The following SLC34A1 variants were observed in gnomAD, a reference collection of about 807,000 sequenced individuals.
The protein encoded by SLC34A1 is solute carrier family 34 member 1, also known as sodium-dependent phosphate transport protein 2A.
A neutral mutation model predicts 51.4 loss-of-function variants in SLC34A1; 57 were observed. The observed-to-expected ratio is 1.11, with a 90% CI of 0.90 to 1.38. The LOEUF (loss-of-function observed/expected upper bound fraction) is 1.38, where lower values mean the gene tolerates loss of function less well. Ranked by LOEUF, SLC34A1 falls within the 40% of genes most tolerant of loss-of-function variation. SLC34A1 has a pLI of 0.00. For missense variants in SLC34A1, 796 were observed against 835.6 expected, an observed-to-expected ratio of 0.95 and a Z score of 0.58; for synonymous variants, 368 against 358.0, an observed-to-expected ratio of 1.03 and a Z score of -0.32.
chr5:177,388,040 G>C lies in SLC34A1; in HGVS notation c.691G>C (p.Val231Leu). The C allele has an allele frequency of 6.2e-7, 1 of 1,614,068 alleles. No individual in the cohort carries two copies. Among genetic ancestry groups the C allele is most frequent in the East Asian group, 2.2e-5 (1 of 44,888 alleles). The change falls in exon 7 of 13, where the codon GTG becomes CTG. Residue 231 changes from valine to leucine, a missense_variant. By Grantham distance (32) the Val-to-Leu change is conservative. Transcript: ENST00000324417. This position sits in a 1 kb window ranked among gnomAD's most constrained non-coding sequence, Gnocchi z 4.3. Reference sequence around the variant, plus strand: ...GCATGACTGCTTTAACTGGCTGTCAGTGCTGGTCCTGCTGCCCCTGGAGGC... The same window carrying C: ...GCATGACTGCTTTAACTGGCTGTCACTGCTGGTCCTGCTGCCCCTGGAGGC... ...TVHDCFNWLS[V>L]LVLLPLEAAT...
rs944431994 is a variant in SLC34A1, at chr5:177,388,327, G to A, written c.891G>A (p.Arg297=). ...TTGCCACTGGTGATGAGTCCCTGAG[G>A]AACCACAGTCTCATCCAGATCTGGT... ...TSIATGDESL[R]NHSLIQIWCH... is the part of the protein sequence containing the mutation. Residue 297 remains arginine (R), a synonymous_variant, in exon 8 of 13, where the codon AGG becomes AGA. Coordinates refer to ENST00000324417, the MANE Select transcript of SLC34A1 (RefSeq NM_003052.5). This position sits in a 1 kb window ranked among gnomAD's most constrained non-coding sequence, Gnocchi z 4.3. 3.1e-6 allele frequency: 5 copies of A among 1,614,030 alleles called. No individual in the cohort carries two copies. The highest frequency in any genetic ancestry group is 2.5e-6 in the Non-Finnish European group (3 of 1,180,036).
rs751779892 is a variant in SLC34A1, at chr5:177,394,198, G to A, written c.1174+3G>A. The A allele has an allele frequency of 5.0e-6, 8 of 1,613,774 alleles. No individual in the cohort carries two copies. In the South Asian group the frequency reaches 8.8e-5, roughly 18 times the overall value. ...CATCCAGAAGGTCATCAATACGGGT[G>A]AGCTGCGAGCAGTTGACTGGGCAGG... On this transcript the variant is annotated splice_donor_region_variant and intron_variant, in intron 10 of 12. Coordinates refer to ENST00000324417, the MANE Select transcript of SLC34A1 (RefSeq NM_003052.5).
chr5:177,390,115 G>T (rs1157233514), intron 8 of SLC34A1: 22 of 1,084,478 alleles, frequency 2.0e-5, no homozygotes, highest in Non-Finnish European at 2.2e-5. Flanking sequence ...GTCTCCCCGT[G>T]CTCCCTTCCA....
At chr5:177,394,246 A>C (rs905281980) in intron 10 of SLC34A1, 51 bp downstream of exon 10, 26 of 1,582,966 alleles carry the variant, frequency 1.6e-5, no homozygotes, top group Non-Finnish European at 2.3e-5. Context: ...GCCTTTCCAG[A>C]TCCTGCTAAG....
chr5:177,393,738 CCT>C lies in SLC34A1; in HGVS notation c.982_983del (p.Leu328TrpfsTer110), dbSNP rs1762877004. 1.2e-6 allele frequency: 2 copies of C among 1,614,088 alleles called. No homozygotes were observed. Among genetic ancestry groups the C allele is most frequent in the Non-Finnish European group, 1.7e-6 (2 of 1,180,046 alleles). ...GAGCAGAGGCCAACTCCAGCCAGAC[CCT>C]TGGAAATGCCACCATGGAGAAATGT... ...SRAEANSSQTLGNATMEKCNH... is the reference protein window; with the variant it reads ...SRAEANSSQTXGNATMEKCNH... On this transcript the variant is annotated frameshift_variant, in exon 9 of 13. Transcript: ENST00000324417. LOFTEE classifies it high-confidence loss of function.
intron 10 of SLC34A1, among the ~76,000 whole-genome samples, chr5:177,395,262 CAT>C (rs2127354056): frequency 6.6e-6 from 1 of 152,276 alleles, no homozygotes; most frequent in South Asian, 2.1e-4. Flanking sequence ...CTGCCAAGGA[CAT>C]AGCAAAAATG....
chr5:177,395,952 A>AT (rs1554096298), intron 10 of SLC34A1, among the ~76,000 whole-genome samples: 1 of 151,590 alleles, frequency 6.6e-6, no homozygotes, highest in Non-Finnish European at 1.5e-5. Context: ...TTAACCATAA[A>AT]TTTTTTTTAT....
chr5:177,387,970 T>C, intron 6 of SLC34A1, 24 bp from the exon 7 acceptor site: 1 of 1,611,816 alleles, frequency 6.2e-7, no homozygotes, highest in Non-Finnish European at 8.5e-7. Context: ...CGAGCCTGCC[T>C]TGCAATGTGG....
intron 8 of SLC34A1, chr5:177,389,867 C>T: frequency 6.9e-7 from 1 of 1,457,060 alleles, no homozygotes; most frequent in Non-Finnish European, 9.0e-7. Context: ...TGACACTTGT[C>T]CAGCTGGTTT....
intron 6 of SLC34A1, 22 bp downstream of exon 6, chr5:177,387,895 G>A (rs1301281675): frequency 5.6e-6 from 9 of 1,605,956 alleles, no homozygotes; most frequent in Non-Finnish European, 6.8e-6. Flanking sequence ...TGGGGGTTGG[G>A]GGCTCGTGCC....
chr5:177,398,135 A>G lies in SLC34A1; in HGVS notation c.1769A>G (p.Asp590Gly). ...TGGATGCACTCCCTGAAGCCCCTGGACCACCTCATCACCCGCGCCACCCTA... is the reference window on the plus strand; with the variant it reads ...TGGATGCACTCCCTGAAGCCCCTGGGCCACCTCATCACCCGCGCCACCCTA... Reference protein sequence around the residue: ...PRWMHSLKPLDHLITRATLCC... With the variant: ...PRWMHSLKPLGHLITRATLCC... Residue 590 changes from aspartate to glycine, a missense_variant, in exon 13 of 13, where the codon GAC becomes GGC. Asp to Gly is a moderately conservative substitution (Grantham distance 94, BLOSUM62 -1). Coordinates refer to ENST00000324417, the MANE Select transcript of SLC34A1 (RefSeq NM_003052.5). This position sits in a 1 kb window ranked among gnomAD's most constrained non-coding sequence, Gnocchi z 4.7. 1 of 1,611,346 alleles carries G rather than the reference A, an allele frequency of 6.2e-7. No homozygotes were observed. The highest frequency in any genetic ancestry group is 1.1e-5 in the South Asian group (1 of 90,942).
In SLC34A1 at chr5:177,387,809, G is replaced by C. The variant is rs370983881; in HGVS notation, c.580G>C (p.Gly194Arg). ...CCCCATCATCATGGGCTCCAACATC[G>C]GCACCTCTGTCACCAACACCATCGT... The part of the protein sequence containing the change: ...AIPIIMGSNI[G>R]TSVTNTIVAL... The change falls in exon 6 of 13, where the codon GGC (glycine) becomes CGC (arginine). Residue 194 changes from glycine to arginine, a missense_variant. Gly to Arg is a moderately radical substitution (Grantham distance 125). Transcript: ENST00000324417. The C allele has an allele frequency of 5.6e-6, 9 of 1,613,686 alleles. No homozygotes were observed. Among genetic ancestry groups the C allele is most frequent in the Non-Finnish European group, 7.6e-6 (9 of 1,179,952 alleles).
Position 177,396,615 on chromosome 5 carries a change from G to A in SLC34A1, c.1175-118G>A, listed in dbSNP as rs1762975170. On this transcript the variant is annotated intron_variant, in intron 10 of 12. Coordinates refer to ENST00000324417, the MANE Select transcript of SLC34A1 (RefSeq NM_003052.5). The surrounding 1 kb of genome is among the most constrained non-coding windows in gnomAD (Gnocchi z 4.0). ...AGGTCCTCTCTCCCAGTGCCCCCGC[G>A]GAGATCCGCTCTCCCAGTGCCCCCG... 6.8e-6 allele frequency: 5 copies of A among 730,428 alleles called. No homozygotes were observed. Among genetic ancestry groups the A allele is most frequent in the South Asian group, 2.9e-5 (2 of 67,886 alleles). 45.2% of individuals were successfully genotyped at this position (730,428 alleles called of 1,614,324 possible).
rs202081023 is a variant in SLC34A1, at chr5:177,397,079, G to A, written c.1416+5G>A. On this transcript the variant is annotated splice_donor_5th_base_variant and intron_variant, in intron 12 of 12. Coordinates refer to ENST00000324417, the MANE Select transcript of SLC34A1 (RefSeq NM_003052.5). ...AAGCTGTCCAGCGCTTTCCAGGTGC[G>A]CTGGGAGTGTAGCCTCGCCTGGGGC... 1,008 of 1,612,456 alleles carry A rather than the reference G, an allele frequency of 6.3e-4. 1 individual carries two copies. The highest frequency in any genetic ancestry group is 7.7e-4 in the Non-Finnish European group (910 of 1,179,772).
In SLC34A1 at chr5:177,386,505, C is replaced by T. The variant is rs775683749; in HGVS notation, c.471C>T (p.Thr157=). 7.7e-5 allele frequency: 124 copies of T among 1,614,046 alleles called. No homozygotes were observed. The highest frequency in any genetic ancestry group is 6.4e-4 in the South Asian group (58 of 91,084). ...GGCTGGTGGTGGGGATCCTGGTGAC[C>T]GTGCTGGTGCAGAGCTCCAGCACCT... ...VAGLVVGILV[T]VLVQSSSTST... is the part of the protein sequence containing the mutation. Residue 157 remains threonine, a synonymous_variant, in exon 5 of 13, where the codon ACC becomes ACT. Transcript: ENST00000324417. This position sits in a 1 kb window ranked among gnomAD's most constrained non-coding sequence, Gnocchi z 4.8.
rs369296471 is a variant in SLC34A1, at chr5:177,385,994, C to T, written c.117C>T (p.His39=). 1.9e-6 allele frequency: 3 copies of T among 1,610,758 alleles called. No homozygotes were observed. The highest frequency in any genetic ancestry group is 2.5e-6 in the Non-Finnish European group (3 of 1,178,938). ...ACCAGGCTCCCTCCCTAGTCCTACA[C>T]AGGATCCCGGGGACCTCTGCCTATG... ...FAYVPSPQVL[H]RIPGTSAYAF... Residue 39 remains histidine (H), a synonymous_variant, in exon 3 of 13, where the codon CAC becomes CAT. Transcript: ENST00000324417.
rs376867485 is a variant in SLC34A1 at position 177,393,782 on chromosome 5, G to A, written c.1006+19G>A. ...GAGAAATGTAAGTGCCTGCAACATG[G>A]GAGGTGTCCTGCATGGCAGGGGCAG... On this transcript the variant is annotated intron_variant, in intron 9 of 12. Transcript: ENST00000324417. 33 of 1,613,682 alleles carry A rather than the reference G, an allele frequency of 2.0e-5. No homozygotes were observed. The African/African-American group carries it at 2.7e-4, about 13-fold the overall frequency.
rs367828212 is a variant in SLC34A1, at chr5:177,385,800, G to A, written c.59G>A (p.Gly20Glu). 3 of 1,613,282 alleles carry A rather than the reference G, an allele frequency of 1.9e-6. No homozygotes were observed. Among genetic ancestry groups the A allele is most frequent in the African/African-American group, 2.7e-5 (2 of 74,928 alleles). Residue 20 changes from glycine (G) to glutamate (E), a missense_variant, in exon 2 of 13, where the codon GGG becomes GAG. Coordinates refer to ENST00000324417, the MANE Select transcript of SLC34A1 (RefSeq NM_003052.5). ...SPAVSPLPVR[G>E]GHVMRGTAFA... is the part of the protein sequence containing the mutation. Reference sequence around the variant, plus strand: ...GCTGTCTCCCCACTCCCAGTCCGTGGGGGGCATGTGATGCGAGGGACGGCC... The same window carrying A: ...GCTGTCTCCCCACTCCCAGTCCGTGAGGGGCATGTGATGCGAGGGACGGCC...
At position 177,398,391 on chromosome 5, in the gene SLC34A1, G is replaced by A; in HGVS notation, c.*105G>A. On this transcript the variant is annotated 3_prime_UTR_variant, in exon 13 of 13. Transcript: ENST00000324417. The surrounding 1 kb of genome is among the most constrained non-coding windows in gnomAD (Gnocchi z 4.7). ...TGCATGTGCCTGTGCCACCCTGGGT[G>A]CCAGTCTCTCCTTCTGTAGCTCCGC... 7.5e-7 allele frequency: 1 copy of A among 1,335,784 alleles called. No homozygotes were observed. The highest frequency in any genetic ancestry group is 1.1e-6 in the Non-Finnish European group (1 of 941,598). 82.7% of individuals were successfully genotyped at this position (1,335,784 alleles called of 1,614,324 possible). A position where few individuals can be genotyped will look rare whatever the true frequency, so the allele number is the denominator to read the frequency against.
Sources: gnomAD v4.1 joint callset for allele counts (sites outside exome capture counted in the v4.1 genomes callset) on GRCh38, gnomAD v4.1.1 for gene constraint, Gnocchi (gnomAD v3.1) non-coding constraint, MANE v1.5 for transcripts, NCBI Gene and HGNC (gene_info 2026-07-23, HGNC 2026-07-21) for gene names.